RBFOX1: variants seen among roughly 807,000 people sequenced by gnomAD.
RBFOX1 encodes the protein RNA binding fox-1 homolog 1.
A neutral mutation model predicts 57.7 loss-of-function variants in RBFOX1; 8 were observed. The observed-to-expected ratio is 0.14, with a 90% CI of 0.08 to 0.25. The LOEUF (loss-of-function observed/expected upper bound fraction) is 0.25, where lower values mean the gene tolerates loss of function less well. Ranked by LOEUF, RBFOX1 falls within the 10% of genes least tolerant of loss-of-function variation. RBFOX1 has a pLI of 1.00. For missense variants in RBFOX1, 611 were observed against 548.5 expected, an observed-to-expected ratio of 1.11 and a Z score of -1.14; for synonymous variants, 326 against 222.4, an observed-to-expected ratio of 1.47 and a Z score of -4.15.
intron 3 of RBFOX1, among the ~76,000 whole-genome samples, chr16:6,785,736 C>T (rs1382738745): frequency 1.3e-5 from 2 of 152,046 alleles, no homozygotes; most frequent in South Asian, 2.1e-4. Flanking sequence ...TATGAAATAC[C>T]AATTCCACTA....
intron 3 of RBFOX1, among the ~76,000 whole-genome samples, chr16:6,834,636 ATTG>A (rs1391696617): frequency 3.9e-5 from 6 of 152,260 alleles, no homozygotes; most frequent in Admixed American, 3.9e-4. Flanking sequence ...GGGTAGACAG[ATTG>A]TTGTTACTCA....
intron 3 of RBFOX1, among the ~76,000 whole-genome samples, chr16:7,000,795 G>A (rs112924341): frequency 3.1e-4 from 47 of 151,630 alleles, no homozygotes; most frequent in South Asian, 1.5e-3. Flanking sequence ...TAGTAGAGAC[G>A]GTTTCACTGT....
At chr16:6,531,235 C>T (rs1451271023) in intron 2 of RBFOX1, among the ~76,000 whole-genome samples, 1 of 152,198 alleles carries the variant, frequency 6.6e-6, no homozygotes, top group Non-Finnish European at 1.5e-5. Flanking sequence ...TCTGAGACAG[C>T]CATCAAGTTT....
chr16:6,707,115 T>A (rs1464650316), intron 3 of RBFOX1, among the ~76,000 whole-genome samples: 2 of 152,168 alleles, frequency 1.3e-5, no homozygotes, highest in Admixed American at 6.5e-5. Flanking sequence ...TTTCTCCCCA[T>A]ATATATTTAA....
chr16:5,525,191 G>C (rs1314752483), intron 2 of RBFOX1, among the ~76,000 whole-genome samples: 1 of 152,098 alleles, frequency 6.6e-6, no homozygotes, highest in Non-Finnish European at 1.5e-5. Flanking sequence ...CAGCTGTCAG[G>C]GTGGTCCAGG....
chr16:5,625,079 G>C (rs1567313864), intron 3 of RBFOX1, among the ~76,000 whole-genome samples: 3 of 152,146 alleles, frequency 2.0e-5, no homozygotes, highest in African/African-American at 7.2e-5. Flanking sequence ...CAGGGACATT[G>C]CACAGAATGC....
At chr16:7,655,394 A>AAAAG (rs1463444095) in intron 12 of RBFOX1, among the ~76,000 whole-genome samples, 1 of 152,216 alleles carries the variant, frequency 6.6e-6, no homozygotes, top group African/African-American at 2.4e-5. Flanking sequence ...ATTTTAACTG[A>AAAAG]AAAGACGGTG....
At chr16:7,230,328 T>C (rs1342928495) in intron 4 of RBFOX1, among the ~76,000 whole-genome samples, 1 of 152,132 alleles carries the variant, frequency 6.6e-6, no homozygotes, top group East Asian at 1.9e-4. Context: ...AATTCAATAA[T>C]TACTCCGTGT....
intron 3 of RBFOX1, among the ~76,000 whole-genome samples, chr16:7,048,942 A>G (rs1452904391): frequency 6.6e-6 from 1 of 152,164 alleles, no homozygotes; most frequent in Non-Finnish European, 1.5e-5. Context: ...TGTTTCCAAT[A>G]TCAGTTCTGT....
At chr16:6,247,448 G>A (rs1363283141) in intron 1 of RBFOX1, among the ~76,000 whole-genome samples, 1 of 152,204 alleles carries the variant, frequency 6.6e-6, no homozygotes, top group African/African-American at 2.4e-5. Context: ...AGATTAGGGA[G>A]AGGCAGTTAG....
chr16:6,943,672 C>A (rs959958241), intron 3 of RBFOX1, among the ~76,000 whole-genome samples: 2 of 150,140 alleles, frequency 1.3e-5, no homozygotes, highest in African/African-American at 4.9e-5. Context: ...TGCGTCACTG[C>A]ACTCCAGCCT....
chr16:7,129,521 A>G (rs535889601), intron 4 of RBFOX1, among the ~76,000 whole-genome samples: 1 of 152,306 alleles, frequency 6.6e-6, no homozygotes, highest in South Asian at 2.1e-4. Flanking sequence ...AGACCTTGCC[A>G]TGATACTCTT....
chr16:5,908,075 TATATATATATACAC>T lies in RBFOX1; in HGVS notation c.351+40748_351+40761del, dbSNP rs1450352625. On this transcript the variant is annotated intron_variant, in intron 4 of 19. Transcript: ENST00000641259. ...AGATGTATGTATGTGTGTATGTATA[TATATATATATACAC>T]ATATATACACATATATATATACACA... 2.0e-4 allele frequency among the ~76,000 whole-genome samples: 24 copies of T among 118,170 alleles called. 1 individual carries two copies. The highest frequency in any genetic ancestry group is 5.8e-4 in the South Asian group (2 of 3,466). The allele number at this position is 118,170 out of a possible 152,430, so 77.5% of individuals were successfully genotyped here. A position where few individuals can be genotyped will look rare whatever the true frequency, so the allele number is the denominator to read the frequency against.
intron 3 of RBFOX1, among the ~76,000 whole-genome samples, chr16:6,981,772 C>T (rs1599057017): frequency 6.6e-6 from 1 of 152,088 alleles, no homozygotes; most frequent in African/African-American, 2.4e-5. Context: ...CGCCTGGTTC[C>T]CCCAGGACAT....
intron 3 of RBFOX1, among the ~76,000 whole-genome samples, chr16:6,944,079 C>T (rs1568005072): frequency 6.6e-6 from 1 of 152,056 alleles, no homozygotes; most frequent in Admixed American, 6.6e-5. Context: ...ACCTGTGGCT[C>T]AGGCCCAGGC....
intron 4 of RBFOX1, among the ~76,000 whole-genome samples, chr16:7,377,410 C>T (rs776213823): frequency 2.6e-5 from 4 of 152,244 alleles, no homozygotes; most frequent in East Asian, 1.9e-4. Context: ...TTATAGGTGA[C>T]ACACAGGAAG....
intron 4 of RBFOX1, among the ~76,000 whole-genome samples, chr16:7,090,493 G>C (rs1210583364): frequency 3.9e-5 from 6 of 152,168 alleles, no homozygotes; most frequent in African/African-American, 1.2e-4. Context: ...ATTAAAAATA[G>C]TGTGGCCCCA....
intron 3 of RBFOX1, among the ~76,000 whole-genome samples, chr16:6,829,926 AT>A (rs1390246823): frequency 6.7e-6 from 1 of 149,670 alleles, no homozygotes; most frequent in Admixed American, 6.7e-5. Context: ...TATTTTTTTT[AT>A]TTTTTTGAGA....
intron 4 of RBFOX1, among the ~76,000 whole-genome samples, chr16:5,976,224 C>T (rs1175745104): frequency 6.6e-6 from 1 of 152,048 alleles, no homozygotes; most frequent in African/African-American, 2.4e-5. Flanking sequence ...AGTTCGGTAT[C>T]CCAGGACTTT....
Sources: allele counts gnomAD v4.1 joint callset (sites outside exome capture counted in the v4.1 genomes callset), GRCh38; gene constraint gnomAD v4.1.1; transcripts MANE v1.5; gene names NCBI Gene and HGNC (gene_info 2026-07-23, HGNC 2026-07-21).